Variants in AP2A2 observed in about 807,000 individuals in gnomAD.
The protein encoded by AP2A2 is adaptor related protein complex 2 subunit alpha 2.
Under a neutral mutation model 104.2 loss-of-function variants are expected in AP2A2, and 32 were observed. That is an observed-to-expected ratio of 0.31 (90% CI 0.23 to 0.41). AP2A2 has a LOEUF of 0.41. AP2A2 is among the 10% of genes least tolerant of loss of function. The pLI is 1.00. For missense variants in AP2A2, 912 were observed against 1,261.0 expected (o/e 0.72, Z 4.19); for synonymous variants, 539 against 533.3 (o/e 1.01, Z -0.15).
At chr11:940,721 G>A (rs1238143406) in intron 1 of AP2A2, 1 of 434,676 alleles carries the variant, frequency 2.3e-6, no homozygotes, top group Non-Finnish European at 4.6e-6. Flanking sequence ...CATGCTGTGA[G>A]GTTCTGAGCT....
rs1351907196 is a variant in AP2A2, at chr11:925,893, G to A, written c.-129G>A. ...CCAGAAAGCGGCGCTGGGACCCTGA[G>A]GCGGCCGTGGTTAGGCGGCTCCCCG... On this transcript the variant is annotated 5_prime_UTR_variant, in exon 1 of 22. Transcript: ENST00000448903. 21 of 624,410 alleles carry A rather than the reference G, an allele frequency of 3.4e-5. No homozygotes were observed. Among genetic ancestry groups the A allele is most frequent in the Non-Finnish European group, 4.9e-5 (21 of 426,792 alleles). The allele number at this position is 624,410 out of a possible 1,614,324, so 38.7% of individuals were successfully genotyped here. A position where few individuals can be genotyped will look rare whatever the true frequency, so the allele number is the denominator to read the frequency against.
At chr11:978,087 C>T (rs6597958) in intron 5 of AP2A2, among the ~76,000 whole-genome samples, 76,942 of 152,012 alleles carry the variant, frequency 0.51, 20,108 homozygotes, top group Middle Eastern at 0.66. Context: ...AGCCCCAGGC[C>T]TGTACCCAGA....
At chr11:967,752 C>G (rs771413286) in intron 2 of AP2A2, among the ~76,000 whole-genome samples, 1 of 152,132 alleles carries the variant, frequency 6.6e-6, no homozygotes, top group South Asian at 2.1e-4. Flanking sequence ...GTGGCTGCAT[C>G]TTTCAGACTG....
rs1423142894 is a variant in AP2A2, at chr11:1,011,339, C to T, written c.*714C>T. 1 of 518,616 alleles carries T rather than the reference C, an allele frequency of 1.9e-6. No homozygotes were observed. 32.1% of individuals were successfully genotyped at this position (518,616 alleles called of 1,614,324 possible). On this transcript the variant is annotated 3_prime_UTR_variant, in exon 22 of 22. Transcript: ENST00000448903. ...GCGTCCTGCCGGCCCCGCAGGGCCC[C>T]CAGGACTCCAGGGTAAAGTGTGGGC...
chr11:947,246 G>A (rs1417928579), intron 1 of AP2A2, among the ~76,000 whole-genome samples: 2 of 152,020 alleles, frequency 1.3e-5, no homozygotes, highest in East Asian at 3.9e-4. Context: ...CCTGACCTCA[G>A]GTAATCCACC....
chr11:967,937 C>G (rs1333022684), intron 2 of AP2A2, among the ~76,000 whole-genome samples: 3 of 152,152 alleles, frequency 2.0e-5, no homozygotes, highest in Admixed American at 2.0e-4. Flanking sequence ...AAAAGTAATT[C>G]TAGCCTAGTA....
Position 959,419 on chromosome 11 carries a change from T to C in AP2A2, c.68-18T>C. On this transcript the variant is annotated intron_variant, in intron 1 of 21. Coordinates refer to ENST00000448903, the MANE Select transcript of AP2A2 (RefSeq NM_012305.4). ...GAAATCAATTAAAATAAAAATGGCT[T>C]TTTGTTCTTTTTTTTAGGTAAAAGT... The C allele has an allele frequency of 6.7e-7, 1 of 1,486,694 alleles. No homozygotes were observed. The highest frequency in any genetic ancestry group is 9.3e-7 in the Non-Finnish European group (1 of 1,073,026). The allele number at this position is 1,486,694 out of a possible 1,614,324, so 92.1% of individuals were successfully genotyped here.
chr11:940,394 C>T (rs756444120), intron 1 of AP2A2, among the ~76,000 whole-genome samples: 1 of 152,184 alleles, frequency 6.6e-6, no homozygotes, highest in Admixed American at 6.5e-5. Context: ...ATTTCACTTT[C>T]TCTTTTCTCT....
Position 1,011,462 on chromosome 11 carries a change from C to T in AP2A2, c.*837C>T. ...CCTGAGTCCTTCCACCGGCCCCGTC[C>T]AGTCGTCCCTGGAGGGGCTGTGGAG... On this transcript the variant is annotated 3_prime_UTR_variant, in exon 22 of 22. Transcript: ENST00000448903. 2.0e-6 allele frequency: 1 copy of T among 497,550 alleles called. No homozygotes were observed. The highest frequency in any genetic ancestry group is 1.5e-5 in the South Asian group (1 of 68,846). 30.8% of individuals were successfully genotyped at this position (497,550 alleles called of 1,614,324 possible). A position where few individuals can be genotyped will look rare whatever the true frequency, so the allele number is the denominator to read the frequency against.
At chr11:995,963 T>A (rs572394521) in intron 14 of AP2A2, 6 of 151,988 alleles carry the variant, frequency 3.9e-5, no homozygotes, top group African/African-American at 1.4e-4. Context: ...CTTATGTTTC[T>A]CATGTGCTCT....
At chr11:967,157 ACTGT>A (rs936813552) in intron 2 of AP2A2, among the ~76,000 whole-genome samples, 1 of 151,952 alleles carries the variant, frequency 6.6e-6, no homozygotes, top group Non-Finnish European at 1.5e-5. Context: ...GCAGAGCAAG[ACTGT>A]CTGGGAAAAA....
intron 1 of AP2A2, among the ~76,000 whole-genome samples, chr11:953,553 C>T (rs969542461): frequency 5.3e-5 from 8 of 151,890 alleles, no homozygotes; most frequent in African/African-American, 1.7e-4. Context: ...GAGCCCCCCC[C>T]CCCCATTGTC....
intron 1 of AP2A2, among the ~76,000 whole-genome samples, chr11:939,267 G>A (rs980063397): frequency 2.0e-5 from 3 of 146,424 alleles, no homozygotes; most frequent in East Asian, 2.0e-4. Flanking sequence ...AAAAAAAAAA[G>A]GTTTAAGAAG....
intron 10 of AP2A2, among the ~76,000 whole-genome samples, chr11:991,976 C>T (rs754551753): frequency 1.3e-5 from 2 of 152,062 alleles, no homozygotes; most frequent in Admixed American, 6.5e-5. Context: ...GGGCAGGTGC[C>T]TCCGGGGGGC....
intron 1 of AP2A2, among the ~76,000 whole-genome samples, chr11:935,915 T>C (rs566468424): frequency 3.9e-4 from 58 of 148,312 alleles, no homozygotes; most frequent in African/African-American, 1.2e-3. Context: ...TTTTTTTTTT[T>C]CCCCCAGGCG....
intron 1 of AP2A2, among the ~76,000 whole-genome samples, chr11:929,809 A>G (rs1008885300): frequency 1.3e-5 from 2 of 151,960 alleles, no homozygotes. Context: ...TGCCTCAAAA[A>G]AAAAGTTTTT....
At chr11:951,526 C>CA (rs75136030) in intron 1 of AP2A2, among the ~76,000 whole-genome samples, 1,633 of 139,426 alleles carry the variant, frequency 0.012, 27 homozygotes, top group African/African-American at 0.034. Flanking sequence ...GACTCCGTCT[C>CA]AAAAAAAAAA....
rs375811339 is a variant in AP2A2 at position 994,239 on chromosome 11, C to T, written c.1950C>T (p.Ser650=). 2.2e-5 allele frequency: 35 copies of T among 1,612,796 alleles called. No individual in the cohort carries two copies. The highest frequency in any genetic ancestry group is 1.1e-4 in the East Asian group (5 of 44,886). ...CTGAGCCTGCCCCAGCCAGTACCAG[C>T]GCCGTGGTGGGTCCCTCACCTACTG... The part of the protein sequence containing the change: ...GGPEPAPAST[S]AVSTPSPSAD... The change falls in exon 14 of 22, where the codon AGC becomes AGT. Residue 650 remains serine (S), a synonymous_variant. Coordinates refer to ENST00000448903, the MANE Select transcript of AP2A2 (RefSeq NM_012305.4).
At chr11:987,877 C>T (rs557220830) in intron 9 of AP2A2, among the ~76,000 whole-genome samples, 1 of 152,384 alleles carries the variant, frequency 6.6e-6, no homozygotes, top group South Asian at 2.1e-4. Context: ...GGGCTGCTCC[C>T]AGTCCCCCGC....
Sources: allele counts gnomAD v4.1 joint callset (sites outside exome capture counted in the v4.1 genomes callset), GRCh38; gene constraint gnomAD v4.1.1; transcripts MANE v1.5; gene names NCBI Gene and HGNC (gene_info 2026-07-23, HGNC 2026-07-21).